Variants in CDH8 observed in about 807,000 individuals in gnomAD.
The protein encoded by CDH8 is cadherin 8.
Under a neutral mutation model 68.1 loss-of-function variants are expected in CDH8, and 17 were observed. The ratio of observed to expected loss-of-function variants is 0.25; its 90% CI spans 0.17 to 0.37. CDH8 has a LOEUF of 0.37. CDH8 is among the 10% of genes least tolerant of loss of function. CDH8 has a pLI of 1.00. For synonymous variants in CDH8, 372 were observed against 365.1 expected, an observed-to-expected ratio of 1.02 and a Z score of -0.21; for missense variants, 763 against 999.3, an observed-to-expected ratio of 0.76 and a Z score of 3.19.
At chr16:61,675,241 C>T (rs965374064) in intron 10 of CDH8, among the ~76,000 whole-genome samples, 1 of 151,846 alleles carries the variant, frequency 6.6e-6, no homozygotes, top group Non-Finnish European at 1.5e-5. Context: ...AAATGTGGCA[C>T]ATATACACCA....
chr16:62,014,126 G>T (rs1490012555), intron 2 of CDH8, among the ~76,000 whole-genome samples: 1 of 152,152 alleles, frequency 6.6e-6, no homozygotes, highest in Non-Finnish European at 1.5e-5. Context: ...TTGGGAGTTT[G>T]CTCATGAACA....
At chr16:62,035,059 A>G (rs1476392040) in intron 1 of CDH8, 1 of 152,198 alleles carries the variant, frequency 6.6e-6, no homozygotes, top group African/African-American at 2.4e-5. Context: ...TTTGGGAGGA[A>G]TAAGCGGAGG....
At chr16:61,659,534 T>C (rs761313727) in intron 10 of CDH8, among the ~76,000 whole-genome samples, 1 of 152,166 alleles carries the variant, frequency 6.6e-6, no homozygotes, top group Non-Finnish European at 1.5e-5. Flanking sequence ...GGGACTCTTT[T>C]CTTCCTCCTG....
At chr16:61,762,761 T>A (rs917902608) in intron 8 of CDH8, among the ~76,000 whole-genome samples, 1 of 152,124 alleles carries the variant, frequency 6.6e-6, no homozygotes, top group East Asian at 1.9e-4. Context: ...GTATTAAATG[T>A]GTATTATATA....
intron 5 of CDH8, among the ~76,000 whole-genome samples, chr16:61,823,246 G>A (rs1962254763): frequency 2.0e-5 from 3 of 151,716 alleles, no homozygotes; most frequent in Admixed American, 2.0e-4. Context: ...CCTCAAATGT[G>A]TCATTTTCAA....
At chr16:61,687,637 A>G (rs1596866966) in intron 10 of CDH8, among the ~76,000 whole-genome samples, 1 of 152,052 alleles carries the variant, frequency 6.6e-6, no homozygotes, top group African/African-American at 2.4e-5. Flanking sequence ...CTAATCTGCT[A>G]TAAGAAACAC....
chr16:61,692,918 G>A (rs1964257888), intron 10 of CDH8: 1 of 152,150 alleles, frequency 6.6e-6, no homozygotes, highest in Non-Finnish European at 1.5e-5. Flanking sequence ...AACTGGCAAA[G>A]TGGTCAACTG....
chr16:61,981,677 TGTGTGCGC>T (rs1425049326), intron 2 of CDH8, among the ~76,000 whole-genome samples: 1 of 149,660 alleles, frequency 6.7e-6, no homozygotes, highest in African/African-American at 2.5e-5. Flanking sequence ...TGTGTGTGTG[TGTGTGCGC>T]GCGCGCGCGT....
chr16:61,823,969 C>A (rs541957904), intron 5 of CDH8, among the ~76,000 whole-genome samples: 1 of 152,018 alleles, frequency 6.6e-6, no homozygotes, highest in Non-Finnish European at 1.5e-5. Flanking sequence ...AAGATGTCTG[C>A]ACTTTCATGT....
At chr16:61,664,691 A>G (rs953503723) in intron 10 of CDH8, among the ~76,000 whole-genome samples, 2 of 151,320 alleles carry the variant, frequency 1.3e-5, no homozygotes, top group Non-Finnish European at 2.9e-5. Flanking sequence ...AGGTTCAGAT[A>G]GAAAGAGGCT....
At chr16:62,028,155 C>G (rs890263810) in intron 1 of CDH8, among the ~76,000 whole-genome samples, 21 of 149,928 alleles carry the variant, frequency 1.4e-4, no homozygotes, top group East Asian at 2.0e-4. Flanking sequence ...ACCTCTGCCT[C>G]CTGGGTTCAA....
chr16:61,719,994 AACAC>A (rs10595910), intron 9 of CDH8, among the ~76,000 whole-genome samples: 36,011 of 146,910 alleles, frequency 0.25, 4,530 homozygotes, highest in Middle Eastern at 0.28. Context: ...CTTATTAGGT[AACAC>A]ACACACACAC....
At chr16:61,894,442 A>G (rs78978894) in intron 3 of CDH8, among the ~76,000 whole-genome samples, 3,320 of 152,212 alleles carry the variant, frequency 0.022, 112 homozygotes, top group African/African-American at 0.076. Context: ...TTTGATATCA[A>G]TGGTGTGTCA....
intron 3 of CDH8, among the ~76,000 whole-genome samples, chr16:61,882,195 C>T (rs1963591523): frequency 6.6e-6 from 1 of 152,128 alleles, no homozygotes; most frequent in South Asian, 2.1e-4. Context: ...ATCATGATAT[C>T]TTGAAATAGC....
At chr16:61,659,524 G>A (rs1388443154) in intron 10 of CDH8, among the ~76,000 whole-genome samples, 1 of 152,112 alleles carries the variant, frequency 6.6e-6, no homozygotes, top group East Asian at 1.9e-4. Context: ...TCAAGAGGCA[G>A]GGACTCTTTT....
chr16:61,687,461 G>A (rs993248247), intron 10 of CDH8, among the ~76,000 whole-genome samples: 5 of 151,844 alleles, frequency 3.3e-5, no homozygotes, highest in Non-Finnish European at 7.4e-5. Flanking sequence ...AGCACTCTGG[G>A]CACCTAGGTT....
intron 7 of CDH8, among the ~76,000 whole-genome samples, chr16:61,798,720 G>C (rs1961553449): frequency 6.6e-6 from 1 of 152,062 alleles, no homozygotes; most frequent in Non-Finnish European, 1.5e-5. Context: ...AAATAAACCA[G>C]GCATAGTGAT....
chr16:61,768,360 CT>C (rs1960670644), intron 8 of CDH8, among the ~76,000 whole-genome samples: 15 of 108,406 alleles, frequency 1.4e-4, no homozygotes, highest in African/African-American at 5.2e-4. Context: ...CTCTCTCTCT[CT>C]CTCTCTCCCT....
intron 2 of CDH8, among the ~76,000 whole-genome samples, chr16:61,933,469 A>ACATT (rs1964577728): frequency 6.6e-6 from 1 of 152,240 alleles, no homozygotes; most frequent in Non-Finnish European, 1.5e-5. Flanking sequence ...AAAATCATTC[A>ACATT]CATTCCAGTG....
Sources: gnomAD v4.1 joint callset for allele counts (sites outside exome capture counted in the v4.1 genomes callset) on GRCh38, gnomAD v4.1.1 for gene constraint, MANE v1.5 for transcripts, NCBI Gene and HGNC (gene_info 2026-07-23, HGNC 2026-07-21) for gene names.